ZNF487: variants seen among roughly 807,000 people sequenced by gnomAD.
ZNF487 encodes KRAB domain only 1.
A neutral mutation model predicts 3.0 loss-of-function variants in ZNF487; 4 were observed. That is an observed-to-expected ratio of 1.35 (90% CI 0.66 to 3.08). ZNF487 has a LOEUF of 3.08. Among genes scored for constraint, ZNF487 ranks in the 30% most tolerant of loss-of-function variants. The pLI, the probability that ZNF487 is intolerant of heterozygous loss-of-function variation, is 0.01. For synonymous variants in ZNF487, 55 were observed against 34.6 expected (o/e 1.59, Z -2.06); for missense variants, 146 against 98.7 (o/e 1.48, Z -2.03).
chr10:43,508,534 C>G, the ZNF487 span, among the ~76,000 whole-genome samples: 2 of 152,178 alleles, frequency 1.3e-5, no homozygotes, highest in Admixed American at 1.3e-4. Context: ...TCGGGCTGGG[C>G]ACGGTGGCTC....
intron 3 of ZNF487, among the ~76,000 whole-genome samples, chr10:43,478,414 C>T (rs534743162): frequency 5.9e-5 from 9 of 152,174 alleles, no homozygotes; most frequent in South Asian, 2.1e-4. Context: ...ATTAGCCGGG[C>T]GTGGTGGCAC....
the ZNF487 span, among the ~76,000 whole-genome samples, chr10:43,497,290 T>C: frequency 6.6e-6 from 1 of 152,248 alleles, no homozygotes; most frequent in Admixed American, 6.5e-5. Context: ...GACTAAAATG[T>C]GGTGTGATAT....
intron 1 of ZNF487, among the ~76,000 whole-genome samples, chr10:43,447,955 T>C (rs1839870230): frequency 6.6e-6 from 1 of 151,868 alleles, no homozygotes; most frequent in Admixed American, 6.6e-5. Flanking sequence ...GATTACTCTC[T>C]GTTTTCTGAT....
chr10:43,498,906 C>A, the ZNF487 span, among the ~76,000 whole-genome samples: 22 of 149,622 alleles, frequency 1.5e-4, no homozygotes, highest in Non-Finnish European at 1.5e-5. Flanking sequence ...CGCGCCACTG[C>A]ACTCTAGCCT....
chr10:43,480,061 C>A (rs1841290471), intron 3 of ZNF487, among the ~76,000 whole-genome samples: 1 of 139,316 alleles, frequency 7.2e-6, no homozygotes, highest in African/African-American at 2.7e-5. Flanking sequence ...TTCTTTCTTC[C>A]TTGCTTCCTT....
At chr10:43,456,278 G>A (rs1840198029) in intron 1 of ZNF487, among the ~76,000 whole-genome samples, 1 of 152,208 alleles carries the variant, frequency 6.6e-6, no homozygotes, top group Admixed American at 6.5e-5. Context: ...TCTAAAAACA[G>A]AGCAGCACTT....
At chr10:43,465,307 C>T (rs577570832) in intron 1 of ZNF487, among the ~76,000 whole-genome samples, 23 of 151,754 alleles carry the variant, frequency 1.5e-4, no homozygotes, top group East Asian at 9.8e-4. Flanking sequence ...ACCTCCCTCC[C>T]GGACCGGGTG....
chr10:43,443,243 T>C (rs1839681884), intron 1 of ZNF487, among the ~76,000 whole-genome samples: 1 of 151,296 alleles, frequency 6.6e-6, no homozygotes, highest in Non-Finnish European at 1.5e-5. Context: ...TTATAATTTT[T>C]AGGAGAGACG....
At chr10:43,498,669 G>A in the ZNF487 span, among the ~76,000 whole-genome samples, 6 of 151,836 alleles carry the variant, frequency 4.0e-5, no homozygotes, top group Admixed American at 1.3e-4. Flanking sequence ...TAGGCTGGGC[G>A]CAGTGGCTCA....
the ZNF487 span, among the ~76,000 whole-genome samples, chr10:43,505,844 T>C: frequency 2.0e-5 from 3 of 152,098 alleles, no homozygotes; most frequent in Non-Finnish European, 4.4e-5. Flanking sequence ...GATTTCACCA[T>C]GTTGGCCAGG....
At chr10:43,453,510 A>C (rs547732199) in intron 1 of ZNF487, 1 of 152,216 alleles carries the variant, frequency 6.6e-6, no homozygotes, top group Non-Finnish European at 1.5e-5. Flanking sequence ...AAGCCATGCC[A>C]ATTTGTCTCT....
intron 1 of ZNF487, among the ~76,000 whole-genome samples, chr10:43,442,397 A>G (rs759620184): frequency 2.0e-5 from 3 of 152,094 alleles, no homozygotes; most frequent in Admixed American, 1.3e-4. Context: ...CCATTAACAT[A>G]GTACGTCTCT....
chr10:43,457,850 G>A (rs970806670), intron 1 of ZNF487, among the ~76,000 whole-genome samples: 2 of 151,884 alleles, frequency 1.3e-5, no homozygotes, highest in African/African-American at 4.8e-5. Context: ...GTGAAACCCC[G>A]TCTCTACTAA....
chr10:43,482,640 A>G lies in ZNF487; in HGVS notation c.*718A>G, dbSNP rs777239076. On this transcript the variant is annotated 3_prime_UTR_variant, in exon 4 of 4. Coordinates refer to ENST00000437590, the MANE Select transcript of ZNF487 (RefSeq NM_001355444.3). ...GTCAGCTCTAAAAGTACATCAGAGA[A>G]TACATACTGGCGAGAAACCCTATGA... 3 of 495,046 alleles carry G rather than the reference A, an allele frequency of 6.1e-6. 1 individual carries two copies. The highest frequency in any genetic ancestry group is 4.5e-5 in the South Asian group (3 of 67,202). The allele number at this position is 495,046 out of a possible 1,614,324, so 30.7% of individuals were successfully genotyped here.
chr10:43,443,001 TAC>T (rs1839670527), intron 1 of ZNF487, among the ~76,000 whole-genome samples: 1 of 151,762 alleles, frequency 6.6e-6, no homozygotes, highest in African/African-American at 2.4e-5. Flanking sequence ...TATATAGAAA[TAC>T]AGTTGATTTT....
In ZNF487 at chr10:43,444,571, T is replaced by TTTTG. The variant is rs112238803; in HGVS notation, c.-94+7325_-94+7328dup. Among the ~76,000 whole-genome samples, 1,163 of 152,106 alleles carry TTTTG rather than the reference T, an allele frequency of 7.6e-3. 14 individuals are homozygous for TTTTG. The highest frequency in any genetic ancestry group is 0.026 in the African/African-American group (1,099 of 41,482). On this transcript the variant is annotated intron_variant, in intron 1 of 3. Coordinates refer to ENST00000437590, the MANE Select transcript of ZNF487 (RefSeq NM_001355444.3). ...ATTATAGGTTTACAGGTTGTTCGTT[T>TTTTG]TTTGTTTGTTTGTTTGTTTTTGAGA... is the stretch of plus-strand genomic sequence containing the variant.
the ZNF487 span, among the ~76,000 whole-genome samples, chr10:43,503,965 T>C: frequency 6.6e-6 from 1 of 152,178 alleles, no homozygotes; most frequent in Admixed American, 6.6e-5. Flanking sequence ...GACACACAAA[T>C]ACTTACCATT....
intron 1 of ZNF487, among the ~76,000 whole-genome samples, chr10:43,472,939 G>A (rs1477929520): frequency 6.6e-6 from 1 of 151,250 alleles, no homozygotes; most frequent in East Asian, 2.0e-4. Flanking sequence ...CAAGCACTTT[G>A]GGAGGCTGAG....
At chr10:43,468,792 A>G (rs991487954) in intron 1 of ZNF487, among the ~76,000 whole-genome samples, 2 of 151,214 alleles carry the variant, frequency 1.3e-5, no homozygotes, top group Non-Finnish European at 2.9e-5. Context: ...GATCGAGACC[A>G]TCTTGGCTAA....
Sources: gnomAD v4.1 joint callset for allele counts (sites outside exome capture counted in the v4.1 genomes callset) on GRCh38, gnomAD v4.1.1 for gene constraint, MANE v1.5 for transcripts, NCBI Gene and HGNC (gene_info 2026-07-23, HGNC 2026-07-21) for gene names.